PRPSAP2: variants seen among roughly 807,000 people sequenced by gnomAD.
PRPSAP2 encodes the protein phosphoribosyl pyrophosphate synthase-associated protein 2.
In PRPSAP2, 24 loss-of-function variants were observed where a neutral mutation model predicts 40.6. That is an observed-to-expected ratio of 0.59 (90% CI 0.43 to 0.83). The LOEUF is 0.83. PRPSAP2 is among the 40% of genes least tolerant of loss of function. The pLI is 0.00. For missense variants in PRPSAP2, 292 were observed against 465.6 expected (o/e 0.63, Z 3.43); for synonymous variants, 149 against 164.7 (o/e 0.90, Z 0.73).
At chr17:18,901,345 T>C (rs1567720360) in intron 8 of PRPSAP2, among the ~76,000 whole-genome samples, 2 of 151,714 alleles carry the variant, frequency 1.3e-5, no homozygotes, top group African/African-American at 4.8e-5. Context: ...GGTCCTGAGG[T>C]CCCTTGCTAG....
chr17:18,866,407 AC>A (rs1337649947), intron 3 of PRPSAP2, among the ~76,000 whole-genome samples: 4 of 152,274 alleles, frequency 2.6e-5, no homozygotes, highest in African/African-American at 9.6e-5. Context: ...TACTAAAAAT[AC>A]AAAAAATTAG....
intron 6 of PRPSAP2, 70 bp from the exon 7 acceptor site, chr17:18,882,498 G>A: frequency 2.0e-6 from 2 of 990,374 alleles, no homozygotes; most frequent in Non-Finnish European, 1.6e-6. Context: ...GTGACAGAAT[G>A]GGATCCCATC....
At chr17:18,898,428 C>G (rs764446758) in intron 8 of PRPSAP2, among the ~76,000 whole-genome samples, 1 of 152,156 alleles carries the variant, frequency 6.6e-6, no homozygotes, top group Non-Finnish European at 1.5e-5. Context: ...TGTTTCCTTT[C>G]TGTTTAGAGT....
chr17:18,882,435 T>C (rs2038827565), intron 6 of PRPSAP2, 133 bp from the exon 7 acceptor site: 1 of 656,088 alleles, frequency 1.5e-6, no homozygotes, highest in South Asian at 1.8e-5. Flanking sequence ...TGCTTCAGCC[T>C]AGGAGTTCAA....
At chr17:18,901,452 T>A (rs1264122059) in intron 8 of PRPSAP2, among the ~76,000 whole-genome samples, 1 of 152,132 alleles carries the variant, frequency 6.6e-6, no homozygotes, top group African/African-American at 2.4e-5. Context: ...CGATCTTGGC[T>A]CACTGCAAAC....
At chr17:18,876,635 A>G (rs944171580) in intron 5 of PRPSAP2, among the ~76,000 whole-genome samples, 10 of 152,260 alleles carry the variant, frequency 6.6e-5, no homozygotes, top group African/African-American at 2.4e-4. Context: ...TAAAGTGAGC[A>G]TAATAAAGAC....
chr17:18,860,369 T>C (rs1399327439), intron 1 of PRPSAP2: 1 of 152,234 alleles, frequency 6.6e-6, no homozygotes, highest in Non-Finnish European at 1.5e-5. Context: ...TTTTATACTT[T>C]ATGATGCCTT....
At chr17:18,914,184 AAAAAAAG>A (rs1329902536) in intron 9 of PRPSAP2, among the ~76,000 whole-genome samples, 4 of 151,400 alleles carry the variant, frequency 2.6e-5, no homozygotes, top group East Asian at 1.9e-4. Context: ...CATCTCAAAA[AAAAAAAG>A]AAAAAAGAAA....
chr17:18,877,963 C>G (rs2038422919), intron 6 of PRPSAP2, 93 bp downstream of exon 6: 1 of 1,351,226 alleles, frequency 7.4e-7, no homozygotes, highest in Non-Finnish European at 1.0e-6. Flanking sequence ...GCCCTGTCAC[C>G]TAGGCTGGAG....
chr17:18,925,612 G>A (rs139532176), intron 10 of PRPSAP2, among the ~76,000 whole-genome samples: 3 of 152,220 alleles, frequency 2.0e-5, no homozygotes, highest in East Asian at 3.9e-4. Flanking sequence ...GAACATCCTC[G>A]TGCCTATTTT....
chr17:18,921,403 G>C (rs2041682712), intron 9 of PRPSAP2, among the ~76,000 whole-genome samples: 1 of 152,144 alleles, frequency 6.6e-6, no homozygotes, highest in Non-Finnish European at 1.5e-5. Context: ...CAAGTGTCCT[G>C]GGAGTAGGAC....
At chr17:18,930,233 C>T (rs767965950) in intron 11 of PRPSAP2, among the ~76,000 whole-genome samples, 6 of 152,012 alleles carry the variant, frequency 3.9e-5, no homozygotes, top group Non-Finnish European at 5.9e-5. Context: ...ATTACTTGAG[C>T]GTGGTGGCGG....
intron 8 of PRPSAP2, among the ~76,000 whole-genome samples, chr17:18,905,408 A>G (rs2040523214): frequency 6.6e-6 from 1 of 152,168 alleles, no homozygotes; most frequent in Non-Finnish European, 1.5e-5. Flanking sequence ...GCAAACCTCC[A>G]CAGATCCCAG....
intron 9 of PRPSAP2, among the ~76,000 whole-genome samples, chr17:18,917,134 A>T (rs573307660): frequency 6.6e-6 from 1 of 152,144 alleles, no homozygotes; most frequent in Non-Finnish European, 1.5e-5. Flanking sequence ...AAAAAAAAAA[A>T]TGCCACCTTC....
At chr17:18,923,278 T>G (rs1261339960) in intron 9 of PRPSAP2, among the ~76,000 whole-genome samples, 1 of 147,280 alleles carries the variant, frequency 6.8e-6, no homozygotes, top group African/African-American at 2.5e-5. Flanking sequence ...TTTTTTTTTT[T>G]TGTATTTTTA....
chr17:18,879,998 A>C (rs548478293), intron 6 of PRPSAP2, among the ~76,000 whole-genome samples: 1 of 152,202 alleles, frequency 6.6e-6, no homozygotes, highest in East Asian at 2.0e-4. Context: ...CGGGAGTCTG[A>C]GGCAGGAGAA....
At chr17:18,905,609 C>T (rs369506135) in intron 8 of PRPSAP2, among the ~76,000 whole-genome samples, 16 of 148,646 alleles carry the variant, frequency 1.1e-4, no homozygotes, top group South Asian at 4.2e-4. Flanking sequence ...GACGGAGTTT[C>T]GCTCTTGTTG....
At chr17:18,880,617 C>T (rs1251979807) in intron 6 of PRPSAP2, among the ~76,000 whole-genome samples, 1 of 152,108 alleles carries the variant, frequency 6.6e-6, no homozygotes, top group Non-Finnish European at 1.5e-5. Flanking sequence ...CCATGTGGCC[C>T]AGGCCATTTT....
intron 8 of PRPSAP2, among the ~76,000 whole-genome samples, chr17:18,905,991 A>G (rs1486507256): frequency 1.3e-5 from 2 of 152,242 alleles, no homozygotes; most frequent in Non-Finnish European, 2.9e-5. Flanking sequence ...AAATGTTATT[A>G]AAATATTCTG....
Sources: allele counts gnomAD v4.1 joint callset (sites outside exome capture counted in the v4.1 genomes callset), GRCh38; gene constraint gnomAD v4.1.1; transcripts MANE v1.5; gene names NCBI Gene and HGNC (gene_info 2026-07-23, HGNC 2026-07-21).